SLC25A31: variants seen among roughly 807,000 people sequenced by gnomAD.
The protein encoded by SLC25A31 is solute carrier family 25 member 31.
A neutral mutation model predicts 36.2 loss-of-function variants in SLC25A31; 40 were observed. The observed-to-expected ratio is 1.10, with a 90% CI of 0.86 to 1.44. The LOEUF (loss-of-function observed/expected upper bound fraction) is 1.44. SLC25A31 is among the 40% of genes most tolerant of loss of function. The pLI, the probability that SLC25A31 is intolerant of heterozygous loss-of-function variation, is 0.00. For missense variants in SLC25A31, 350 were observed against 397.1 expected (o/e 0.88, Z 1.01); for synonymous variants, 143 against 149.7 (o/e 0.96, Z 0.32).
intron 1 of SLC25A31, among the ~76,000 whole-genome samples, chr4:127,740,164 A>G (rs964022222): frequency 7.2e-5 from 11 of 152,064 alleles, no homozygotes; most frequent in Admixed American, 4.6e-4. Context: ...TTCTTGCCCT[A>G]TTCCTTCTCA....
chr4:127,750,695 G>T (rs187998014), intron 2 of SLC25A31, among the ~76,000 whole-genome samples: 36 of 152,060 alleles, frequency 2.4e-4, no homozygotes, highest in Non-Finnish European at 4.9e-4. Flanking sequence ...TTAGAATATT[G>T]TAATTATAAA....
intron 2 of SLC25A31, among the ~76,000 whole-genome samples, chr4:127,754,053 A>G (rs1412179374): frequency 6.6e-6 from 1 of 152,152 alleles, no homozygotes; most frequent in African/African-American, 2.4e-5. Flanking sequence ...AACAAAAACC[A>G]TAGCAGCATC....
intron 4 of SLC25A31, among the ~76,000 whole-genome samples, chr4:127,768,295 CA>C (rs1732283391): frequency 2.0e-5 from 3 of 151,890 alleles, no homozygotes; most frequent in Non-Finnish European, 4.4e-5. Flanking sequence ...TATTTAATCA[CA>C]AAAAAAGTTA....
intron 2 of SLC25A31, among the ~76,000 whole-genome samples, chr4:127,761,324 T>C (rs774553540): frequency 2.3e-4 from 35 of 152,322 alleles, no homozygotes; most frequent in African/African-American, 7.5e-4. Flanking sequence ...GAAAAAAAGA[T>C]TAAGTAGAAC....
Position 127,764,248 on chromosome 4 carries a change from G to C in SLC25A31, c.366G>C (p.Trp122Cys), listed in dbSNP as rs564145649. The change falls in exon 3 of 6, where the codon TGG (tryptophan) becomes TGC (cysteine). Residue 122 changes from tryptophan to cysteine, a missense_variant. Coordinates refer to ENST00000281154, the MANE Select transcript of SLC25A31 (RefSeq NM_031291.4). ...MSGVNKEKQF[W>C]RWFLANLASG... Reference sequence around the variant, plus strand: ...TTTAAATTAATATGTTTCAGTTCTGGAGGTGGTTTTTGGCAAACCTGGCTT... The same window carrying C: ...TTTAAATTAATATGTTTCAGTTCTGCAGGTGGTTTTTGGCAAACCTGGCTT... 1 of 1,613,430 alleles carries C rather than the reference G, an allele frequency of 6.2e-7. No individual in the cohort carries two copies. Among genetic ancestry groups the C allele is most frequent in the Non-Finnish European group, 8.5e-7 (1 of 1,179,610 alleles).
intron 1 of SLC25A31, among the ~76,000 whole-genome samples, chr4:127,737,656 G>C (rs1731657904): frequency 6.6e-6 from 1 of 151,946 alleles, no homozygotes; most frequent in South Asian, 2.1e-4. Flanking sequence ...TGGTGTTCAA[G>C]AACTCCCACC....
intron 5 of SLC25A31, among the ~76,000 whole-genome samples, chr4:127,769,930 C>T (rs1192594625): frequency 1.3e-5 from 2 of 152,126 alleles, no homozygotes; most frequent in Non-Finnish European, 2.9e-5. Flanking sequence ...ATAATGAGGT[C>T]AGAAAACTAG....
rs1444292727 is a variant in SLC25A31 at position 127,747,943 on chromosome 4, T to G, written c.360+3144T>G. On this transcript the variant is annotated intron_variant, in intron 2 of 5. Transcript: ENST00000281154. ...AGACCTAGAGAAACCAGGTGCAAGT[T>G]TATAGTTGTCCCATCCTAGTGAATC... Among the ~76,000 whole-genome samples the G allele has an allele frequency of 2.6e-5, 4 of 152,244 alleles. No homozygotes were observed. The East Asian group carries it at 7.7e-4, about 29-fold the overall frequency.
chr4:127,758,915 G>A (rs1240117261), intron 2 of SLC25A31, among the ~76,000 whole-genome samples: 1 of 152,100 alleles, frequency 6.6e-6, no homozygotes. Flanking sequence ...GATGCCTATG[G>A]ATTTGTTCTT....
intron 5 of SLC25A31, among the ~76,000 whole-genome samples, chr4:127,770,661 T>C (rs1044205627): frequency 5.3e-5 from 8 of 151,172 alleles, no homozygotes; most frequent in African/African-American, 1.9e-4. Context: ...CACTCGAGTG[T>C]TTAAGGATAA....
chr4:127,735,395 A>G (rs999598361), intron 1 of SLC25A31, among the ~76,000 whole-genome samples: 13 of 152,210 alleles, frequency 8.5e-5, no homozygotes, highest in African/African-American at 3.1e-4. Context: ...ATCATCTAAC[A>G]TTCAAGTTTC....
intron 2 of SLC25A31, among the ~76,000 whole-genome samples, chr4:127,759,664 G>A (rs1345965276): frequency 6.6e-6 from 1 of 152,150 alleles, no homozygotes; most frequent in Non-Finnish European, 1.5e-5. Flanking sequence ...ACTACTGAGA[G>A]GGGAGATGGG....
chr4:127,771,765 T>C (rs186580534), intron 5 of SLC25A31, among the ~76,000 whole-genome samples: 9 of 152,360 alleles, frequency 5.9e-5, no homozygotes, highest in Non-Finnish European at 8.8e-5. Flanking sequence ...TATCATGTAA[T>C]GACAGTTCCT....
At chr4:127,748,116 C>T (rs1347269676) in intron 2 of SLC25A31, among the ~76,000 whole-genome samples, 1 of 152,208 alleles carries the variant, frequency 6.6e-6, no homozygotes, top group Non-Finnish European at 1.5e-5. Context: ...TACACAGTTT[C>T]TGGTCCCCTT....
At position 127,773,542 on chromosome 4, in the gene SLC25A31, G is replaced by A. The variant is rs577470030; in HGVS notation, c.916G>A (p.Glu306Lys). Residue 306 changes from glutamate (E) to lysine (K), a missense_variant, in exon 6 of 6, where the codon GAA becomes AAA. Coordinates refer to ENST00000281154, the MANE Select transcript of SLC25A31 (RefSeq NM_031291.4). ...GTTGGTATTATATGATAAAATTAAA[G>A]AATTCTTTCATATTGATATTGGTGG... is the stretch of plus-strand genomic sequence containing the variant. ...LVLVLYDKIKEFFHIDIGGR is the reference protein window; with the variant it reads ...LVLVLYDKIKKFFHIDIGGR 1 of 1,601,716 alleles carries A rather than the reference G, an allele frequency of 6.2e-7. No homozygotes were observed. Among genetic ancestry groups the A allele is most frequent in the South Asian group, 1.1e-5 (1 of 88,062 alleles).
At chr4:127,751,614 C>T (rs907492061) in intron 2 of SLC25A31, among the ~76,000 whole-genome samples, 1 of 152,202 alleles carries the variant, frequency 6.6e-6, no homozygotes, top group Non-Finnish European at 1.5e-5. Flanking sequence ...GCAAAAGAAA[C>T]TACCGTCAGA....
chr4:127,756,356 T>A (rs752071979), intron 2 of SLC25A31, among the ~76,000 whole-genome samples: 30 of 152,282 alleles, frequency 2.0e-4, no homozygotes, highest in Non-Finnish European at 4.4e-5. Flanking sequence ...ACTTTGTACA[T>A]CCCACTTATA....
chr4:127,743,523 AT>A (rs1731770371), intron 1 of SLC25A31, among the ~76,000 whole-genome samples: 1 of 152,214 alleles, frequency 6.6e-6, no homozygotes, highest in Non-Finnish European at 1.5e-5. Flanking sequence ...AATTGATTAC[AT>A]GATATACATG....
intron 3 of SLC25A31, among the ~76,000 whole-genome samples, chr4:127,765,708 G>T (rs1404029870): frequency 1.3e-5 from 2 of 152,122 alleles, no homozygotes; most frequent in East Asian, 3.8e-4. Flanking sequence ...AAAATATATT[G>T]TCACTTAATG....
Sources: allele counts gnomAD v4.1 joint callset (sites outside exome capture counted in the v4.1 genomes callset), GRCh38; gene constraint gnomAD v4.1.1; transcripts MANE v1.5; gene names NCBI Gene and HGNC (gene_info 2026-07-23, HGNC 2026-07-21).